Variants in EPB41L2 observed in about 807,000 individuals in gnomAD.
The protein encoded by EPB41L2 is band 4.1-like protein 2.
In EPB41L2, 43 loss-of-function variants were observed where a neutral mutation model predicts 113.0. The ratio of observed to expected loss-of-function variants is 0.38; its 90% CI spans 0.30 to 0.49. The LOEUF is 0.49. Ranked by LOEUF, EPB41L2 falls within the 20% of genes least tolerant of loss-of-function variation. The pLI, the probability that EPB41L2 is intolerant of heterozygous loss-of-function variation, is 0.95. For synonymous variants in EPB41L2, 442 were observed against 436.7 expected (o/e 1.01, Z -0.15); for missense variants, 1,147 against 1,223.4 (o/e 0.94, Z 0.93).
At chr6:130,889,470 T>C (rs1475023980) in intron 11 of EPB41L2, among the ~76,000 whole-genome samples, 3 of 152,024 alleles carry the variant, frequency 2.0e-5, no homozygotes, top group Non-Finnish European at 4.4e-5. Flanking sequence ...TTCACATTTA[T>C]ACATATTTTC....
chr6:131,056,087 T>C (rs1797524496), intron 1 of EPB41L2, among the ~76,000 whole-genome samples: 1 of 152,248 alleles, frequency 6.6e-6, no homozygotes. Context: ...AGGATATTTA[T>C]ATGAAACCTG....
intron 14 of EPB41L2, among the ~76,000 whole-genome samples, chr6:130,875,465 C>G (rs1378871285): frequency 6.6e-6 from 1 of 152,110 alleles, no homozygotes; most frequent in African/African-American, 2.4e-5. Flanking sequence ...CGTGCTCCCC[C>G]TTGCTCACCA....
At position 130,856,631 on chromosome 6, in the gene EPB41L2, G is replaced by C. The variant is rs575998757; in HGVS notation, c.*5+1500C>G. On this transcript the variant is annotated intron_variant, in intron 19 of 19. Transcript: ENST00000337057. ...ATGCAACAGCAGGTGGCTGTGCCAC[G>C]CAAGGTAGAAAATGAAAATGTGTAA... Among the ~76,000 whole-genome samples, 4 of 152,328 alleles carry C rather than the reference G, an allele frequency of 2.6e-5. No individual in the cohort carries two copies. In the East Asian group the frequency reaches 7.7e-4, roughly 29 times the overall value.
At chr6:130,910,904 G>C (rs1242924651) in intron 4 of EPB41L2, among the ~76,000 whole-genome samples, 1 of 152,168 alleles carries the variant, frequency 6.6e-6, no homozygotes, top group Non-Finnish European at 1.5e-5. Flanking sequence ...TGGAGAAACA[G>C]GAACACTTTT....
chr6:130,947,021 C>A (rs1020839625), intron 3 of EPB41L2, among the ~76,000 whole-genome samples: 1 of 139,880 alleles, frequency 7.1e-6, no homozygotes. Flanking sequence ...AAGAAGACCC[C>A]CCCCCCAGCC....
At chr6:130,977,034 A>T (rs2128667968) in intron 1 of EPB41L2, among the ~76,000 whole-genome samples, 1 of 152,354 alleles carries the variant, frequency 6.6e-6, no homozygotes, top group Admixed American at 6.5e-5. Context: ...GGGTGGTCAA[A>T]GAAAGCGTTA....
chr6:130,905,990 G>T (rs1797618921), intron 5 of EPB41L2, among the ~76,000 whole-genome samples: 1 of 152,124 alleles, frequency 6.6e-6, no homozygotes, highest in African/African-American at 2.4e-5. Context: ...TTTCAGTTCT[G>T]CTTTACACAT....
intron 1 of EPB41L2, among the ~76,000 whole-genome samples, chr6:130,977,721 C>T (rs1584204997): frequency 6.6e-6 from 1 of 152,294 alleles, no homozygotes; most frequent in African/African-American, 2.4e-5. Flanking sequence ...CATCAAACGT[C>T]CTCAAACAGC....
chr6:130,881,976 T>G (rs764506741), intron 12 of EPB41L2: 2 of 152,170 alleles, frequency 1.3e-5, no homozygotes, highest in African/African-American at 2.4e-5. Context: ...CTTACAAATG[T>G]CAGGAGTAAA....
intron 9 of EPB41L2, 80 bp from the exon 10 acceptor site, chr6:130,894,521 T>C (rs1793978362): frequency 2.4e-6 from 3 of 1,248,164 alleles, no homozygotes; most frequent in Non-Finnish European, 3.5e-6. Context: ...CATTCAGATG[T>C]TTCTGTGAGA....
intron 19 of EPB41L2, among the ~76,000 whole-genome samples, chr6:130,853,998 G>T (rs548208490): frequency 6.6e-6 from 1 of 152,294 alleles, no homozygotes; most frequent in South Asian, 2.1e-4. Context: ...CAGCCAGTGG[G>T]GGGTGGAGAT....
At chr6:130,862,529 C>CA (rs940540289) in intron 18 of EPB41L2, among the ~76,000 whole-genome samples, 1 of 152,162 alleles carries the variant, frequency 6.6e-6, no homozygotes, top group African/African-American at 2.4e-5. Context: ...CTTGTTTCCA[C>CA]ATAAGTCACT....
intron 10 of EPB41L2, among the ~76,000 whole-genome samples, chr6:130,893,421 T>C (rs1302510706): frequency 1.3e-5 from 2 of 152,122 alleles, no homozygotes; most frequent in Admixed American, 6.5e-5. Flanking sequence ...AGAACACTCA[T>C]GCACAGCTTC....
chr6:131,050,833 A>G (rs1299767489), intron 1 of EPB41L2, among the ~76,000 whole-genome samples: 1 of 152,188 alleles, frequency 6.6e-6, no homozygotes, highest in Non-Finnish European at 1.5e-5. Flanking sequence ...AGCTTAAATG[A>G]TCTGTCCGCC....
intron 12 of EPB41L2, chr6:130,882,709 G>A (rs991498267): frequency 1.4e-4 from 21 of 152,908 alleles, no homozygotes; most frequent in African/African-American, 4.6e-4. Context: ...TGAATGAAGG[G>A]GAGGTGATTG....
intron 1 of EPB41L2, among the ~76,000 whole-genome samples, chr6:130,965,417 ATAG>A (rs141530267): frequency 0.046 from 6,957 of 152,262 alleles, 237 homozygotes; most frequent in East Asian, 0.12. Context: ...AACATACAAA[ATAG>A]TCATTACATG....
intron 1 of EPB41L2, among the ~76,000 whole-genome samples, chr6:130,973,871 TCAGGGTTCA>T (rs1227821460): frequency 6.6e-6 from 1 of 152,230 alleles, no homozygotes; most frequent in Non-Finnish European, 1.5e-5. Flanking sequence ...CGTCAGGTAT[TCAGGGTTCA>T]CACTTTCAAC....
chr6:131,007,987 C>A (rs370127680), intron 1 of EPB41L2, among the ~76,000 whole-genome samples: 1 of 152,210 alleles, frequency 6.6e-6, no homozygotes, highest in Admixed American at 6.5e-5. Context: ...AAAAGAAAAA[C>A]CAATTTTCTG....
intron 1 of EPB41L2, among the ~76,000 whole-genome samples, chr6:130,965,944 T>C (rs976046183): frequency 1.4e-4 from 21 of 152,066 alleles, no homozygotes; most frequent in African/African-American, 5.1e-4. Context: ...GGGTGTCCAA[T>C]CTTGTGGCTT....
Sources: allele counts gnomAD v4.1 joint callset (sites outside exome capture counted in the v4.1 genomes callset), GRCh38; gene constraint gnomAD v4.1.1; transcripts MANE v1.5; gene names NCBI Gene and HGNC (gene_info 2026-07-23, HGNC 2026-07-21).